The following RCL1 variants were observed in gnomAD, a reference collection of about 807,000 sequenced individuals.
RCL1 encodes RNA 3'-terminal phosphate cyclase-like protein.
In RCL1, 24 loss-of-function variants were observed where a neutral mutation model predicts 42.4. The observed-to-expected ratio is 0.57, with a 90% CI of 0.41 to 0.80. RCL1 has a LOEUF of 0.80. Ranked by LOEUF, RCL1 falls within the 30% of genes least tolerant of loss-of-function variation. The pLI is 0.00. For synonymous variants in RCL1, 228 were observed against 177.3 expected, an observed-to-expected ratio of 1.29 and a Z score of -2.27; for missense variants, 578 against 467.9, an observed-to-expected ratio of 1.24 and a Z score of -2.17.
At chr9:4,812,084 T>G (rs1816198924) in intron 1 of RCL1, among the ~76,000 whole-genome samples, 1 of 152,232 alleles carries the variant, frequency 6.6e-6, no homozygotes, top group Non-Finnish European at 1.5e-5. Context: ...TCCTTGTATA[T>G]TCTGGTTATT....
At chr9:4,812,093 T>C (rs1272928072) in intron 1 of RCL1, among the ~76,000 whole-genome samples, 1 of 152,230 alleles carries the variant, frequency 6.6e-6, no homozygotes, top group Admixed American at 6.5e-5. Context: ...ATTCTGGTTA[T>C]TAATCCCTTG....
chr9:4,835,343 C>T (rs1420846039), intron 5 of RCL1, among the ~76,000 whole-genome samples: 2 of 152,114 alleles, frequency 1.3e-5, no homozygotes, highest in African/African-American at 4.8e-5. Flanking sequence ...CTCAGGTCAG[C>T]ACTTTAAAAG....
intron 8 of RCL1, among the ~76,000 whole-genome samples, chr9:4,850,007 G>T (rs575517226): frequency 2.6e-5 from 4 of 152,186 alleles, no homozygotes; most frequent in Non-Finnish European, 5.9e-5. Context: ...GGACTAGTAG[G>T]GAATTGTAGA....
At chr9:4,794,935 G>C (rs913320093) in intron 1 of RCL1, among the ~76,000 whole-genome samples, 5 of 152,090 alleles carry the variant, frequency 3.3e-5, no homozygotes, top group African/African-American at 4.8e-5. Flanking sequence ...CAGGTGTGCT[G>C]GTATTTTATG....
intron 8 of RCL1, among the ~76,000 whole-genome samples, chr9:4,855,743 A>G (rs1288538415): frequency 6.6e-6 from 1 of 152,080 alleles, no homozygotes; most frequent in East Asian, 1.9e-4. Context: ...ATGTACCTTA[A>G]TCTAGTCTCT....
At position 4,793,149 on chromosome 9, in the gene RCL1, C is replaced by A; in HGVS notation, c.58C>A (p.Leu20Met). The stretch of plus-strand genomic sequence containing the variant: ...AGGGTGCAACTTCTTGCGCCAACGT[C>A]TGGTCCTGTCTACCCTGAGCGGGCG... ...YAGCNFLRQR[L>M]VLSTLSGRPV... Residue 20 changes from leucine to methionine, a missense_variant, in exon 1 of 9, where the codon CTG becomes ATG. Transcript: ENST00000381750. 6.2e-7 allele frequency: 1 copy of A among 1,612,496 alleles called. No homozygotes were observed. The highest frequency in any genetic ancestry group is 8.5e-7 in the Non-Finnish European group (1 of 1,179,392).
At position 4,860,771 on chromosome 9, in the gene RCL1, AT is replaced by A. The variant is rs1818147560; in HGVS notation, c.*497del. On this transcript the variant is annotated 3_prime_UTR_variant, in exon 9 of 9. Transcript: ENST00000381750. Reference sequence around the variant, plus strand: ...TCATGAGTCCTGCAGTGCTAAGCAAATGTCAGAAATTGGTGTATTAGACTAT... The same window carrying A: ...TCATGAGTCCTGCAGTGCTAAGCAAAGTCAGAAATTGGTGTATTAGACTAT... 1 of 152,556 alleles carries A rather than the reference AT, an allele frequency of 6.6e-6. No homozygotes were observed. Among genetic ancestry groups the A allele is most frequent in the South Asian group, 2.1e-4 (1 of 4,828 alleles). The allele number at this position is 152,556 out of a possible 1,614,324, so 9.5% of individuals were successfully genotyped here.
chr9:4,811,543 A>C (rs1301710729), intron 1 of RCL1, among the ~76,000 whole-genome samples: 1 of 152,132 alleles, frequency 6.6e-6, no homozygotes, highest in East Asian at 1.9e-4. Flanking sequence ...GGCTTATCTT[A>C]CTTAACATAA....
At chr9:4,822,967 C>T (rs1406603125) in intron 1 of RCL1, among the ~76,000 whole-genome samples, 1 of 151,916 alleles carries the variant, frequency 6.6e-6, no homozygotes, top group Non-Finnish European at 1.5e-5. Context: ...CATTCAAACA[C>T]CCTTTTAGTA....
intron 5 of RCL1, chr9:4,836,890 G>C (rs567745112): frequency 6.6e-6 from 1 of 152,312 alleles, no homozygotes; most frequent in African/African-American, 2.4e-5. Flanking sequence ...CAAAACCACA[G>C]GAATACATAA....
At chr9:4,842,756 A>T (rs1817375687) in intron 6 of RCL1, among the ~76,000 whole-genome samples, 1 of 152,140 alleles carries the variant, frequency 6.6e-6, no homozygotes, top group Non-Finnish European at 1.5e-5. Context: ...ATTATGTGTC[A>T]GCTATTTTCT....
intron 1 of RCL1, among the ~76,000 whole-genome samples, chr9:4,819,125 A>C (rs1421601229): frequency 6.6e-6 from 1 of 152,206 alleles, no homozygotes; most frequent in Non-Finnish European, 1.5e-5. Context: ...ATTCAAAGGG[A>C]ATAAAAGGGT....
chr9:4,841,211 A>G (rs190682920), intron 5 of RCL1, 21 bp from the exon 6 acceptor site: 2 of 1,613,768 alleles, frequency 1.2e-6, no homozygotes, highest in Non-Finnish European at 1.7e-6. Flanking sequence ...GCAGAATGAC[A>G]TCCTTAACTC....
chr9:4,819,332 C>G (rs1301236370), intron 1 of RCL1, among the ~76,000 whole-genome samples: 2 of 152,214 alleles, frequency 1.3e-5, no homozygotes, highest in Admixed American at 1.3e-4. Flanking sequence ...ATCTATGAAA[C>G]TGGACCCTGG....
intron 3 of RCL1, 155 bp downstream of exon 3, chr9:4,827,188 A>T: frequency 6.5e-7 from 1 of 1,544,316 alleles, no homozygotes. Flanking sequence ...TCACTCCAGG[A>T]GGCAGATGAA....
intron 8 of RCL1, among the ~76,000 whole-genome samples, chr9:4,858,196 T>G (rs1006282215): frequency 2.6e-5 from 4 of 151,974 alleles, no homozygotes; most frequent in South Asian, 2.1e-4. Flanking sequence ...TTTAATTAGG[T>G]TATTTGTCTT....
At chr9:4,845,626 G>A (rs1272976870) in intron 7 of RCL1, among the ~76,000 whole-genome samples, 2 of 152,202 alleles carry the variant, frequency 1.3e-5, no homozygotes, top group Admixed American at 1.3e-4. Flanking sequence ...ATTTCTGTTA[G>A]TCTGCACCGT....
chr9:4,826,656 A>T (rs536386910), intron 2 of RCL1, among the ~76,000 whole-genome samples: 11 of 152,320 alleles, frequency 7.2e-5, no homozygotes, highest in African/African-American at 2.6e-4. Flanking sequence ...ATTAAATTAC[A>T]TTCACAGTTT....
intron 8 of RCL1, among the ~76,000 whole-genome samples, chr9:4,859,125 T>C (rs907672217): frequency 6.6e-6 from 1 of 152,188 alleles, no homozygotes; most frequent in African/African-American, 2.4e-5. Context: ...TGACGCTAGG[T>C]CTGCCAGGCG....
Sources: allele counts gnomAD v4.1 joint callset (sites outside exome capture counted in the v4.1 genomes callset), GRCh38; gene constraint gnomAD v4.1.1; transcripts MANE v1.5; gene names NCBI Gene and HGNC (gene_info 2026-07-23, HGNC 2026-07-21).